Variants in NDUFS2 observed in about 807,000 individuals in gnomAD.
The protein encoded by NDUFS2 is NADH:ubiquinone oxidoreductase core subunit S2, also known as NADH dehydrogenase [ubiquinone] iron-sulfur protein 2, mitochondrial.
In NDUFS2, 38 loss-of-function variants were observed where a neutral mutation model predicts 69.6. That is an observed-to-expected ratio of 0.55 (90% CI 0.42 to 0.72). The LOEUF is 0.72. NDUFS2 is among the 30% of genes least tolerant of loss of function. The pLI is 0.00. For missense variants in NDUFS2, 468 were observed against 595.0 expected (o/e 0.79, Z 2.22); for synonymous variants, 194 against 211.2 (o/e 0.92, Z 0.70).
At chr1:161,209,414 C>T (rs536968534) in intron 4 of NDUFS2, 69 bp from the exon 5 acceptor site, 2 of 1,608,440 alleles carry the variant, frequency 1.2e-6, no homozygotes, top group African/African-American at 2.7e-5. Context: ...AGACCCCAGG[C>T]TCTGCCCAGA....
rs183239520 is a variant in NDUFS2, at chr1:161,203,834, T to G, written c.202+291T>G. 352 of 416,612 alleles carry G rather than the reference T, an allele frequency of 8.4e-4. 1 individual carries two copies. The highest frequency in any genetic ancestry group is 6.5e-3 in the African/African-American group (319 of 49,128). The allele number at this position is 416,612 out of a possible 1,614,324, so 25.8% of individuals were successfully genotyped here. On this transcript the variant is annotated intron_variant, in intron 2 of 13. Transcript: ENST00000676972. ...CCAGGCTGGTTTCAAACTCCTGGCC[T>G]CAGGTAATCCTCCCAACTCAGCCTC... is the stretch of plus-strand genomic sequence containing the variant.
chr1:161,203,839 T>G (rs1366644999), intron 2 of NDUFS2: 2 of 411,242 alleles, frequency 4.9e-6, no homozygotes, highest in African/African-American at 4.1e-5. Context: ...TGGCCTCAGG[T>G]AATCCTCCCA....
intron 1 of NDUFS2, among the ~76,000 whole-genome samples, chr1:161,203,177 A>G (rs1665248542): frequency 6.6e-6 from 1 of 152,140 alleles, no homozygotes; most frequent in Non-Finnish European, 1.5e-5. Context: ...TTGGTGGCGC[A>G]TGCCTGTAAT....
intron 3 of NDUFS2, 74 bp downstream of exon 3, chr1:161,206,671 C>A (rs1400194409): frequency 2.0e-6 from 3 of 1,503,406 alleles, no homozygotes; most frequent in African/African-American, 2.8e-5. Context: ...AGTTTGCTGC[C>A]CTTAAAACGT....
chr1:161,209,695 G>C, intron 5 of NDUFS2, 100 bp downstream of exon 5: 2 of 1,245,822 alleles, frequency 1.6e-6, no homozygotes, highest in Non-Finnish European at 2.3e-6. Flanking sequence ...GAACATGGGA[G>C]AACATTTAGA....
intron 10 of NDUFS2, 78 bp downstream of exon 10, chr1:161,212,558 C>A: frequency 6.4e-7 from 1 of 1,564,510 alleles, no homozygotes; most frequent in Non-Finnish European, 8.7e-7. Context: ...TGGATTAAAT[C>A]CTATCTTTTG....
Position 161,206,605 on chromosome 1 carries a change from G to C in NDUFS2, c.393+8G>C, listed in dbSNP as rs772828911. ...TACAAGACCTATCTTCAGGTGTGGG[G>C]GGTGAACAGGAGCCTTTTGGCGGGA... On this transcript the variant is annotated splice_region_variant and intron_variant, in intron 3 of 13. Transcript: ENST00000676972. 2 of 1,612,450 alleles carry C rather than the reference G, an allele frequency of 1.2e-6. No individual in the cohort carries two copies. The highest frequency in any genetic ancestry group is 1.7e-6 in the Non-Finnish European group (2 of 1,179,832).
In NDUFS2 at chr1:161,202,369, T is replaced by G. The variant is rs1204785178; in HGVS notation, c.-17T>G. 1 of 1,606,634 alleles carries G rather than the reference T, an allele frequency of 6.2e-7. No individual in the cohort carries two copies. The highest frequency in any genetic ancestry group is 8.5e-7 in the Non-Finnish European group (1 of 1,176,952). Reference sequence around the variant, plus strand: ...TTCCGCCCGGTTCTCCTTCCCGCAGTCTGCAGCCGGAGTAAGATGGCGGCG... The same window carrying G: ...TTCCGCCCGGTTCTCCTTCCCGCAGGCTGCAGCCGGAGTAAGATGGCGGCG... On this transcript the variant is annotated 5_prime_UTR_variant, in exon 1 of 14. Transcript: ENST00000676972.
rs556546165 is a variant in NDUFS2, at chr1:161,209,716, A to G, written c.627+121A>G. 14 of 1,234,678 alleles carry G rather than the reference A, an allele frequency of 1.1e-5. No homozygotes were observed. The African/African-American group carries it at 1.9e-4, about 17-fold the overall frequency. 76.5% of individuals were successfully genotyped at this position (1,234,678 alleles called of 1,614,324 possible). ...GGGAGAACATTTAGAGGGGGAAGGT[A>G]TGTTTAACTTGGGTTATATTTGTAG... is the stretch of plus-strand genomic sequence containing the variant. On this transcript the variant is annotated intron_variant, in intron 5 of 13. Transcript: ENST00000676972.
Position 161,213,393 on chromosome 1 carries a change from C to A in NDUFS2, c.1130C>A (p.Ser377Ter). Residue 377 changes from serine (S) to a stop codon, truncating the protein, a stop_gained, in exon 11 of 14, where the codon TCA becomes TAA. Transcript: ENST00000676972. LOFTEE classifies it high-confidence loss of function. ...TCCTCTCTTCAGACTTCCATGGAGT[C>A]ACTGATTCATCACTTTAAGTTGTAT... is the stretch of plus-strand genomic sequence containing the variant. ...KRAEMKTSME[S>*]LIHHFKLYTE... is the part of the protein sequence containing the mutation. 6.2e-7 allele frequency: 1 copy of A among 1,609,434 alleles called. No homozygotes were observed. The highest frequency in any genetic ancestry group is 1.1e-5 in the South Asian group (1 of 90,316).
At chr1:161,213,612 A>T in intron 11 of NDUFS2, 37 bp from the exon 12 acceptor site, 1 of 1,604,988 alleles carries the variant, frequency 6.2e-7, no homozygotes, top group Non-Finnish European at 8.5e-7. Context: ...AATACTCTTC[A>T]TGTTAATACA....
Position 161,213,692 on chromosome 1 carries a change from C to G in NDUFS2, c.1256C>G (p.Pro419Arg). The G allele has an allele frequency of 6.2e-7, 1 of 1,614,184 alleles. No homozygotes were observed. Among genetic ancestry groups the G allele is most frequent in the Non-Finnish European group, 8.5e-7 (1 of 1,180,034 alleles). Residue 419 changes from proline to arginine, a missense_variant, in exon 12 of 14, where the codon CCT becomes CGT. Around this residue, in one of 3 missense-constraint regions of NDUFS2, gnomAD observed 72 missense variants for 118.9 expected, o/e 0.61. Transcript: ENST00000676972. ...CTGGTGTCTGATGGCAGCAGCCGCC[C>G]TTATCGATGCAAGATCAAGGCTCCT... ...VYLVSDGSSR[P>R]YRCKIKAPGF... is the part of the protein sequence containing the mutation.
rs557908808 is a variant in NDUFS2, at chr1:161,212,646, G to A, written c.1116+166G>A. 5.8e-5 allele frequency: 46 copies of A among 798,654 alleles called. 1 individual carries two copies. The African/African-American group carries it at 6.3e-4, about 11-fold the overall frequency. 49.5% of individuals were successfully genotyped at this position (798,654 alleles called of 1,614,324 possible). On this transcript the variant is annotated intron_variant, in intron 10 of 13. Transcript: ENST00000676972. ...GCAATCTCGGCTAACTGCAACCTCC[G>A]CCTCCCAGGTTCAAGCAATTCTTCT...
upstream of NDUFS2, chr1:161,202,326 G>A: frequency 1.3e-6 from 2 of 1,530,602 alleles, no homozygotes; most frequent in Non-Finnish European, 1.8e-6. Flanking sequence ...AGCCAAGAAG[G>A]AGGCGCGCTG....
Position 161,209,321 on chromosome 1 carries a change from C to T in NDUFS2, c.514+8C>T. 2 of 1,614,108 alleles carry T rather than the reference C, an allele frequency of 1.2e-6. No homozygotes were observed. Among genetic ancestry groups the T allele is most frequent in the South Asian group, 1.1e-5 (1 of 91,080 alleles). Reference sequence around the variant, plus strand: ...GGGCACAGTGGATCCGAGGTATGTCCCCCCAACTTTTTCTGTGGCCCACTG... The same window carrying T: ...GGGCACAGTGGATCCGAGGTATGTCTCCCCAACTTTTTCTGTGGCCCACTG... On this transcript the variant is annotated splice_region_variant and intron_variant, in intron 4 of 13. Transcript: ENST00000676972.
upstream of NDUFS2, chr1:161,202,271 C>A (rs1461036952): frequency 5.8e-6 from 6 of 1,041,500 alleles, no homozygotes; most frequent in Non-Finnish European, 8.7e-6. Flanking sequence ...GTAAACGACC[C>A]TGCCAGCTTC....
Position 161,210,397 on chromosome 1 carries a change from G to A in NDUFS2, c.866+8G>A, listed in dbSNP as rs142594036. The A allele has an allele frequency of 2.6e-3, 4,210 of 1,611,632 alleles. 9 individuals carry two copies. The highest frequency in any genetic ancestry group is 3.1e-3 in the Admixed American group (186 of 60,018). Reference sequence around the variant, plus strand: ...ACTTAACTATGGTTTTAGGTGAGGGGAATACAACTTCTCTCCGTAGGAGTG... The same window carrying A: ...ACTTAACTATGGTTTTAGGTGAGGGAAATACAACTTCTCTCCGTAGGAGTG... On this transcript the variant is annotated splice_region_variant and intron_variant, in intron 8 of 13. Transcript: ENST00000676972.
chr1:161,204,878 C>T (rs899752525), intron 2 of NDUFS2, among the ~76,000 whole-genome samples: 35 of 152,056 alleles, frequency 2.3e-4, no homozygotes, highest in African/African-American at 8.0e-4. Context: ...TGGTGAAACC[C>T]CGCCTCTACT....
At chr1:161,210,220 C>T (rs781199811) in intron 7 of NDUFS2, 32 bp downstream of exon 7, 2 of 1,610,940 alleles carry the variant, frequency 1.2e-6, no homozygotes, top group South Asian at 2.2e-5. Flanking sequence ...AAAATCTCTC[C>T]CCCACAAGAA....
Sources: gnomAD v4.1 joint callset for allele counts (sites outside exome capture counted in the v4.1 genomes callset) on GRCh38, gnomAD v4.1.1 for gene constraint, gnomAD v4.1.1 regional missense constraint, MANE v1.5 for transcripts, NCBI Gene and HGNC (gene_info 2026-07-23, HGNC 2026-07-21) for gene names.